RBFOX2: variants seen among roughly 807,000 people sequenced by gnomAD.
The protein encoded by RBFOX2 is RNA binding fox-1 homolog 2, also known as RNA binding protein fox-1 homolog 2.
RBFOX2 carries 10 observed loss-of-function variants against 49.1 expected under a neutral mutation model. The observed-to-expected ratio is 0.20, with a 90% CI of 0.13 to 0.35. RBFOX2 has a LOEUF of 0.35. Ranked by LOEUF, RBFOX2 falls within the 10% of genes least tolerant of loss-of-function variation. The pLI is 1.00. For synonymous variants in RBFOX2, 183 were observed against 187.4 expected (o/e 0.98, Z 0.19); for missense variants, 323 against 486.9 (o/e 0.66, Z 3.17).
intron 2 of RBFOX2, among the ~76,000 whole-genome samples, chr22:35,787,379 C>A (rs1484111426): frequency 2.6e-5 from 4 of 151,710 alleles, no homozygotes. Context: ...TCAGGCTATG[C>A]AGAGAAAGGG....
chr22:35,800,661 C>T (rs1394284554), intron 2 of RBFOX2, among the ~76,000 whole-genome samples: 1 of 152,004 alleles, frequency 6.6e-6, no homozygotes, highest in Admixed American at 6.6e-5. Flanking sequence ...GCCTCAGCTT[C>T]TCTCTCCTCA....
chr22:35,795,874 C>G (rs1948700350), intron 2 of RBFOX2, among the ~76,000 whole-genome samples: 1 of 152,134 alleles, frequency 6.6e-6, no homozygotes, highest in Non-Finnish European at 1.5e-5. Flanking sequence ...GCTTTATCAG[C>G]CTCTCTTATT....
chr22:35,996,828 GA>G (rs1454841074), intron 1 of RBFOX2: 1 of 152,164 alleles, frequency 6.6e-6, no homozygotes, highest in African/African-American at 2.4e-5. Context: ...AGAAATGTCA[GA>G]AGAGTGTTTA....
Position 36,002,261 on chromosome 22 carries a change from G to A in RBFOX2, c.186+25979C>T, listed in dbSNP as rs534224411. ...AACACAATTCCACTTCTCAGAATCC[G>A]TCTTCTTGTGCTTATCTTATGCACA... On this transcript the variant is annotated intron_variant, in intron 1 of 13. Transcript: ENST00000438146. Among the ~76,000 whole-genome samples the A allele has an allele frequency of 4.6e-5, 7 of 152,168 alleles. No homozygotes were observed. The South Asian group carries it at 1.0e-3, about 23-fold the overall frequency.
In RBFOX2 at chr22:35,889,715, C is replaced by T. The variant is rs746624000; in HGVS notation, c.-34+49132G>A. On this transcript the variant is annotated intron_variant, in intron 1 of 13. Transcript: ENST00000359369. ...GTACGGTACCTATCACGGCATCTGA[C>T]CTTAAATGTTATCTGAACTGAGCCA... is the stretch of plus-strand genomic sequence containing the variant. 3.1e-4 allele frequency among the ~76,000 whole-genome samples: 47 copies of T among 152,166 alleles called. 1 individual carries two copies. The highest frequency in any genetic ancestry group is 2.5e-4 in the Non-Finnish European group (17 of 68,024).
intron 1 of RBFOX2, among the ~76,000 whole-genome samples, chr22:35,991,733 G>A (rs2057991349): frequency 6.6e-6 from 1 of 152,104 alleles, no homozygotes; most frequent in South Asian, 2.1e-4. Context: ...AAAACTCTCT[G>A]AATGAAGTTA....
At chr22:35,928,112 T>G (rs1022430071) in intron 1 of RBFOX2, among the ~76,000 whole-genome samples, 11 of 152,178 alleles carry the variant, frequency 7.2e-5, no homozygotes, top group African/African-American at 2.7e-4. Flanking sequence ...ATAGGAATTA[T>G]TCCTATTTCA....
At chr22:35,961,739 T>A, upstream of RBFOX2, 1 of 1,249,072 alleles carries the variant, frequency 8.0e-7, no homozygotes, top group African/African-American at 1.5e-5. Flanking sequence ...AGGTTTTCCG[T>A]TCTCCCCACA....
chr22:35,896,331 T>C (rs2047837861), intron 1 of RBFOX2, among the ~76,000 whole-genome samples: 1 of 152,152 alleles, frequency 6.6e-6, no homozygotes, highest in Non-Finnish European at 1.5e-5. Context: ...TCTCAAACGG[T>C]AACAGGTTTT....
chr22:36,009,329 A>G (rs932918058), intron 1 of RBFOX2, among the ~76,000 whole-genome samples: 1 of 152,216 alleles, frequency 6.6e-6, no homozygotes, highest in African/African-American at 2.4e-5. Context: ...TGCCTAAAGG[A>G]CACACAGCTA....
intron 1 of RBFOX2, among the ~76,000 whole-genome samples, chr22:35,854,361 G>T (rs942365828): frequency 1.3e-5 from 2 of 152,086 alleles, no homozygotes; most frequent in African/African-American, 2.4e-5. Flanking sequence ...GAGTCAGGAG[G>T]ATTGCTTGAG....
At chr22:36,017,465 T>C (rs1159607091) in intron 1 of RBFOX2, among the ~76,000 whole-genome samples, 2 of 151,506 alleles carry the variant, frequency 1.3e-5, no homozygotes, top group African/African-American at 4.9e-5. Flanking sequence ...GAGGCGGAGG[T>C]TGCAGTGAGC....
chr22:35,925,324 G>T (rs2051494082), intron 1 of RBFOX2, among the ~76,000 whole-genome samples: 2 of 152,178 alleles, frequency 1.3e-5, no homozygotes, highest in African/African-American at 2.4e-5. Context: ...TTCAAAACCA[G>T]CCTGGGCAAC....
chr22:35,925,371 A>T (rs1475298166), intron 1 of RBFOX2, among the ~76,000 whole-genome samples: 1 of 152,106 alleles, frequency 6.6e-6, no homozygotes, highest in South Asian at 2.1e-4. Flanking sequence ...ATAAAACATT[A>T]AAAAATTAGC....
Position 35,958,495 on chromosome 22 carries a change from G to A in RBFOX2, c.42+3068C>T, listed in dbSNP as rs571518347. Among the ~76,000 whole-genome samples the A allele has an allele frequency of 1.2e-4, 18 of 152,200 alleles. 1 individual carries two copies. The South Asian group carries it at 3.5e-3, about 30-fold the overall frequency. On this transcript the variant is annotated intron_variant, in intron 1 of 5. Coordinates refer to the RBFOX2 transcript ENST00000408983. Reference sequence around the variant, plus strand: ...AAACTGGACTTTTCTATTTCCTCCTGCTGCTGTTGCTTCCAATGCCCTACT... The same window carrying A: ...AAACTGGACTTTTCTATTTCCTCCTACTGCTGTTGCTTCCAATGCCCTACT...
At chr22:35,979,252 T>C (rs1412608091) in intron 1 of RBFOX2, among the ~76,000 whole-genome samples, 1 of 152,174 alleles carries the variant, frequency 6.6e-6, no homozygotes, top group East Asian at 1.9e-4. Flanking sequence ...TGTTCCAGGC[T>C]GAAGAGGTCT....
chr22:35,982,479 G>GTC (rs374514580), intron 1 of RBFOX2, among the ~76,000 whole-genome samples: 80 of 151,412 alleles, frequency 5.3e-4, no homozygotes, highest in Middle Eastern at 3.4e-3. Flanking sequence ...GTCATGGACT[G>GTC]TCTCTCTCTC....
At chr22:35,935,698 G>A (rs1459152103) in intron 1 of RBFOX2, among the ~76,000 whole-genome samples, 1 of 152,114 alleles carries the variant, frequency 6.6e-6, no homozygotes, top group Admixed American at 6.6e-5. Flanking sequence ...GAGTGAATGG[G>A]CACATTCACA....
At chr22:35,979,966 A>T in intron 1 of RBFOX2, among the ~76,000 whole-genome samples, 1 of 152,148 alleles carries the variant, frequency 6.6e-6, no homozygotes, top group Non-Finnish European at 1.5e-5. Context: ...GAGGATGGAA[A>T]ATCAATCAGA....
Sources: allele counts gnomAD v4.1 joint callset (sites outside exome capture counted in the v4.1 genomes callset), GRCh38; gene constraint gnomAD v4.1.1; transcripts MANE v1.5; gene names NCBI Gene and HGNC (gene_info 2026-07-23, HGNC 2026-07-21).